Variants in MBNL1 observed in about 807,000 individuals in gnomAD.
The protein encoded by MBNL1 is muscleblind like splicing regulator 1.
Under a neutral mutation model 42.2 loss-of-function variants are expected in MBNL1, and 8 were observed. That is an observed-to-expected ratio of 0.19 (90% CI 0.11 to 0.34). MBNL1 has a LOEUF of 0.34. Ranked by LOEUF, MBNL1 falls within the 10% of genes least tolerant of loss-of-function variation. The pLI is 1.00. For missense variants in MBNL1, 309 were observed against 495.3 expected (o/e 0.62, Z 3.57); for synonymous variants, 169 against 173.9 (o/e 0.97, Z 0.22).
chr3:152,376,679 A>G (rs997659570), intron 2 of MBNL1, among the ~76,000 whole-genome samples: 1 of 152,164 alleles, frequency 6.6e-6, no homozygotes, highest in Admixed American at 6.5e-5. Context: ...TGTTTTTAGG[A>G]ATAAGAGCTG....
At chr3:152,457,518 T>G (rs17437371) in intron 8 of MBNL1, among the ~76,000 whole-genome samples, 10,887 of 152,312 alleles carry the variant, frequency 0.071, 514 homozygotes, top group Middle Eastern at 0.17. Flanking sequence ...ATTAAAAACT[T>G]TCAAAATCAG....
intron 2 of MBNL1, among the ~76,000 whole-genome samples, chr3:152,346,744 T>C (rs2094306255): frequency 6.6e-6 from 1 of 152,074 alleles, no homozygotes; most frequent in South Asian, 2.1e-4. Context: ...TTTAAAACAC[T>C]AAAATAGTGA....
chr3:152,300,141 G>T lies in MBNL1; in HGVS notation c.-53G>T. 2 of 1,229,880 alleles carry T rather than the reference G, an allele frequency of 1.6e-6. No homozygotes were observed. The highest frequency in any genetic ancestry group is 2.4e-5 in the Admixed American group (1 of 40,942). 76.2% of individuals were successfully genotyped at this position (1,229,880 alleles called of 1,614,324 possible). A position where few individuals can be genotyped will look rare whatever the true frequency, so the allele number is the denominator to read the frequency against. ...TTTTGGTTGTTGCTCTTTTTTGGGG[G>T]GGTTGGGTTTGTTGGTTTCACTGAA... On this transcript the variant is annotated 5_prime_UTR_variant, in exon 2 of 10. Transcript: ENST00000324210.
At chr3:152,319,126 A>G (rs770997565) in intron 2 of MBNL1, among the ~76,000 whole-genome samples, 3 of 152,204 alleles carry the variant, frequency 2.0e-5, no homozygotes, top group Non-Finnish European at 4.4e-5. Context: ...TATGATAACA[A>G]AAACTTCAGG....
chr3:152,319,685 G>A (rs1348046677), intron 2 of MBNL1, among the ~76,000 whole-genome samples: 1 of 114,332 alleles, frequency 8.7e-6, no homozygotes, highest in Non-Finnish European at 1.7e-5. Context: ...TATACATTAT[G>A]CTTATTATAA....
intron 3 of MBNL1, among the ~76,000 whole-genome samples, chr3:152,430,120 A>G (rs2153741527): frequency 6.6e-6 from 1 of 152,344 alleles, no homozygotes; most frequent in African/African-American, 2.4e-5. Flanking sequence ...ATTTTTACAT[A>G]ATAAAAGTAT....
At chr3:152,353,211 TC>T (rs1405727013) in intron 2 of MBNL1, among the ~76,000 whole-genome samples, 1 of 152,226 alleles carries the variant, frequency 6.6e-6, no homozygotes, top group Non-Finnish European at 1.5e-5. Flanking sequence ...GTGTACTCTT[TC>T]ATCCAACTAC....
At chr3:152,434,789 A>G (rs1326995787) in intron 4 of MBNL1, among the ~76,000 whole-genome samples, 2 of 152,050 alleles carry the variant, frequency 1.3e-5, no homozygotes, top group Admixed American at 6.5e-5. Context: ...GCATTTCTCT[A>G]ATGATTAGTG....
rs1269011105 is a variant in MBNL1 at position 152,445,308 on chromosome 3, T to C, written c.576T>C (p.Asn192=). Residue 192 remains asparagine (N), a synonymous_variant, in exon 5 of 10, where the codon AAT becomes AAC. Coordinates refer to ENST00000324210, the MANE Select transcript of MBNL1 (RefSeq NM_021038.5). ...LEVCREYQRG[N]CNRGENDCRF... ...TATGTCGAGAGTACCAACGTGGCAATTGCAACCGAGGAGAAAATGATTGTC... is the reference window on the plus strand; with the variant it reads ...TATGTCGAGAGTACCAACGTGGCAACTGCAACCGAGGAGAAAATGATTGTC... 2 of 1,614,088 alleles carry C rather than the reference T, an allele frequency of 1.2e-6. No homozygotes were observed. The highest frequency in any genetic ancestry group is 2.2e-5 in the South Asian group (2 of 91,090).
chr3:152,404,331 T>G (rs2098355545), intron 2 of MBNL1, among the ~76,000 whole-genome samples: 1 of 152,206 alleles, frequency 6.6e-6, no homozygotes, highest in Admixed American at 6.5e-5. Context: ...TCTAGAAGGC[T>G]GAGTAGACTT....
At position 152,362,689 on chromosome 3, in the gene MBNL1, C is replaced by T. The variant is rs1224764410; in HGVS notation, c.175-52252C>T. On this transcript the variant is annotated intron_variant, in intron 2 of 9. Coordinates refer to ENST00000324210, the MANE Select transcript of MBNL1 (RefSeq NM_021038.5). ...TCCCCCAACCTCCAGATGTGACAACCGAACATATCTCTGGGTATTGCCAAA... is the reference window on the plus strand; with the variant it reads ...TCCCCCAACCTCCAGATGTGACAACTGAACATATCTCTGGGTATTGCCAAA... Among the ~76,000 whole-genome samples the T allele has an allele frequency of 3.3e-5, 5 of 152,072 alleles. 1 individual carries two copies. In the South Asian group the frequency reaches 8.3e-4, roughly 25 times the overall value.
At chr3:152,282,466 C>T (rs1305812421) in intron 1 of MBNL1, among the ~76,000 whole-genome samples, 1 of 152,004 alleles carries the variant, frequency 6.6e-6, no homozygotes, top group African/African-American at 2.4e-5. Context: ...ATTAAACATG[C>T]AGATTCTGTT....
chr3:152,440,038 GATTTT>G (rs1467047867), intron 4 of MBNL1, among the ~76,000 whole-genome samples: 2 of 152,072 alleles, frequency 1.3e-5, no homozygotes, highest in African/African-American at 2.4e-5. Flanking sequence ...TTCCTATTCA[GATTTT>G]ATTTTATGTT....
At chr3:152,355,761 A>C (rs1395056828) in intron 2 of MBNL1, among the ~76,000 whole-genome samples, 1 of 152,216 alleles carries the variant, frequency 6.6e-6, no homozygotes, top group African/African-American at 2.4e-5. Flanking sequence ...ACTACTGAAG[A>C]GTCAACATTT....
At chr3:152,373,360 A>G (rs1216546643) in intron 2 of MBNL1, among the ~76,000 whole-genome samples, 1 of 150,960 alleles carries the variant, frequency 6.6e-6, no homozygotes, top group Non-Finnish European at 1.5e-5. Context: ...AAAAAAAAAA[A>G]AAAAACCTTC....
chr3:152,244,898 G>A (rs75017412), intron 2 of MBNL1, among the ~76,000 whole-genome samples: 3,368 of 151,502 alleles, frequency 0.022, 109 homozygotes, highest in African/African-American at 0.077. Flanking sequence ...TTTACCCACC[G>A]TGAAAATATA....
upstream of MBNL1, chr3:152,264,036 TC>T (rs1163658914): frequency 6.6e-6 from 1 of 152,142 alleles, no homozygotes; most frequent in East Asian, 1.9e-4. Flanking sequence ...ACCAGCTCAG[TC>T]CTCCATCCTG....
At chr3:152,286,102 A>G (rs906170710) in intron 1 of MBNL1, among the ~76,000 whole-genome samples, 1 of 151,550 alleles carries the variant, frequency 6.6e-6, no homozygotes, top group Admixed American at 6.6e-5. Context: ...TATCCAGGAT[A>G]AAAGTGGTTC....
At chr3:152,367,824 C>T (rs762715892) in intron 2 of MBNL1, among the ~76,000 whole-genome samples, 2 of 151,914 alleles carry the variant, frequency 1.3e-5, no homozygotes, top group Non-Finnish European at 2.9e-5. Flanking sequence ...GTGTATATGT[C>T]TTCTTTTGAG....
Sources: gnomAD v4.1 joint callset for allele counts (sites outside exome capture counted in the v4.1 genomes callset) on GRCh38, gnomAD v4.1.1 for gene constraint, MANE v1.5 for transcripts, NCBI Gene and HGNC (gene_info 2026-07-23, HGNC 2026-07-21) for gene names.